Variants in STPG2 observed in about 807,000 individuals in gnomAD.
STPG2 encodes the protein sperm-tail PG-rich repeat-containing protein 2.
STPG2 carries 56 observed loss-of-function variants against 54.2 expected under a neutral mutation model. The ratio of observed to expected loss-of-function variants is 1.03; its 90% CI spans 0.83 to 1.29. STPG2 has a LOEUF of 1.29. STPG2 is among the 50% of genes most tolerant of loss of function. STPG2 has a pLI of 0.00. For synonymous variants in STPG2, 200 were observed against 181.8 expected, an observed-to-expected ratio of 1.10 and a Z score of -0.81; for missense variants, 596 against 544.9, an observed-to-expected ratio of 1.09 and a Z score of -0.93.
chr4:98,002,970 T>C (rs984452049), intron 5 of STPG2, among the ~76,000 whole-genome samples: 1 of 152,088 alleles, frequency 6.6e-6, no homozygotes, highest in Non-Finnish European at 1.5e-5. Flanking sequence ...TTTGCAGTCT[T>C]TCACCAAGGC....
In STPG2 at chr4:97,943,365, T is replaced by A. The variant is rs80268006; in HGVS notation, c.1044+532A>T. Among the ~76,000 whole-genome samples the A allele has an allele frequency of 6.0e-4, 91 of 152,322 alleles. 4 individuals are homozygous for A. The East Asian group carries it at 0.017, about 29-fold the overall frequency. ...TACTTTGATATATTTGTAAATTCAA[T>A]CTGAATTGCTCAACTACTAATTTTT... On this transcript the variant is annotated intron_variant, in intron 8 of 10. Transcript: ENST00000295268.
chr4:97,976,470 A>T (rs1177717148), intron 6 of STPG2, among the ~76,000 whole-genome samples: 2 of 152,086 alleles, frequency 1.3e-5, no homozygotes, highest in East Asian at 3.9e-4. Flanking sequence ...AGCCATTCTG[A>T]TCATATGGTT....
chr4:98,039,353 T>C (rs980768721), intron 5 of STPG2, among the ~76,000 whole-genome samples: 1 of 76,496 alleles, frequency 1.3e-5, no homozygotes, highest in Non-Finnish European at 3.0e-5. Context: ...TAAAAATATT[T>C]AAAATATGAC....
At chr4:97,939,982 G>C (rs1732913268) in intron 8 of STPG2, among the ~76,000 whole-genome samples, 1 of 152,110 alleles carries the variant, frequency 6.6e-6, no homozygotes, top group Admixed American at 6.5e-5. Context: ...AAGATCTCTT[G>C]TAAGGCAGGT....
rs1169231124 is a variant in STPG2, at chr4:97,617,838, T to G, written c.1321-58721A>C. On this transcript the variant is annotated intron_variant, in intron 10 of 10. Transcript: ENST00000295268. Reference sequence around the variant, plus strand: ...CCAGAATAATAGAGGGAGATACATATGCTAGAAACTGGGAAACCCTATACT... The same window carrying G: ...CCAGAATAATAGAGGGAGATACATAGGCTAGAAACTGGGAAACCCTATACT... 1.3e-5 allele frequency among the ~76,000 whole-genome samples: 2 copies of G among 152,114 alleles called. 1 individual carries two copies. The highest frequency in any genetic ancestry group is 2.9e-5 in the Non-Finnish European group (2 of 68,020).
intron 8 of STPG2, among the ~76,000 whole-genome samples, chr4:97,921,711 G>C (rs766663997): frequency 1.3e-5 from 2 of 152,128 alleles, no homozygotes; most frequent in African/African-American, 2.4e-5. Flanking sequence ...GGATAGAAAA[G>C]TTACTGAAAA....
intron 4 of STPG2, among the ~76,000 whole-genome samples, chr4:97,484,057 C>T (rs1578334199): frequency 1.3e-5 from 2 of 151,778 alleles, no homozygotes; most frequent in East Asian, 3.9e-4. Context: ...ATCAAAACCT[C>T]TGGGATACAG....
At chr4:97,972,578 A>G (rs550744703) in intron 6 of STPG2, 138 bp from the exon 7 acceptor site, 15 of 498,758 alleles carry the variant, frequency 3.0e-5, no homozygotes, top group Non-Finnish European at 4.7e-5. Flanking sequence ...AAAATGGCAT[A>G]GTCGCATTTT....
intron 4 of STPG2, among the ~76,000 whole-genome samples, chr4:97,476,806 C>A (rs1730083581): frequency 6.6e-6 from 1 of 152,160 alleles, no homozygotes; most frequent in Non-Finnish European, 1.5e-5. Flanking sequence ...CAATTAGTTA[C>A]ACTGGAATAT....
At chr4:98,065,084 T>C (rs1056946833) in intron 5 of STPG2, among the ~76,000 whole-genome samples, 5 of 152,006 alleles carry the variant, frequency 3.3e-5, no homozygotes, top group Admixed American at 6.6e-5. Context: ...AGGTATTTTT[T>C]AAAGGAAGGA....
Position 97,927,676 on chromosome 4 carries a change from A to G in STPG2, c.1044+16221T>C, listed in dbSNP as rs560426027. The stretch of plus-strand genomic sequence containing the variant: ...CAACCCTAATTTTTCAAGCCAGAGG[A>G]AAGTGCCATGAAATCACCCTAAAGA... On this transcript the variant is annotated intron_variant, in intron 8 of 10. Transcript: ENST00000295268. Among the ~76,000 whole-genome samples the G allele has an allele frequency of 2.6e-5, 4 of 152,216 alleles. No homozygotes were observed. In the East Asian group the frequency reaches 7.7e-4, roughly 29 times the overall value.
At chr4:97,758,987 C>T (rs1484413464) in intron 9 of STPG2, among the ~76,000 whole-genome samples, 2 of 151,884 alleles carry the variant, frequency 1.3e-5, no homozygotes, top group East Asian at 1.9e-4. Context: ...AAAAAATGAA[C>T]GTATAATATT....
At chr4:97,907,882 G>A (rs1420810887) in intron 8 of STPG2, among the ~76,000 whole-genome samples, 2 of 152,124 alleles carry the variant, frequency 1.3e-5, no homozygotes, top group Non-Finnish European at 2.9e-5. Flanking sequence ...ATGGATTAAA[G>A]ACTTAAACGT....
At chr4:97,759,296 C>G (rs531374057) in intron 9 of STPG2, among the ~76,000 whole-genome samples, 1 of 151,960 alleles carries the variant, frequency 6.6e-6, no homozygotes, top group Non-Finnish European at 1.5e-5. Flanking sequence ...TTTCCCACAA[C>G]GCAGGGCTCA....
At chr4:97,835,591 C>T (rs1390138116) in intron 9 of STPG2, among the ~76,000 whole-genome samples, 3 of 152,108 alleles carry the variant, frequency 2.0e-5, no homozygotes, top group Non-Finnish European at 2.9e-5. Context: ...ATACAACACC[C>T]ATTCTGAAGC....
At chr4:97,863,132 C>T (rs1406953355) in intron 8 of STPG2, among the ~76,000 whole-genome samples, 1 of 151,828 alleles carries the variant, frequency 6.6e-6, no homozygotes, top group Non-Finnish European at 1.5e-5. Context: ...CACAAAAAAC[C>T]CTTAAAAAAA....
intron 8 of STPG2, among the ~76,000 whole-genome samples, chr4:97,909,114 A>T (rs1731576842): frequency 6.6e-6 from 1 of 151,278 alleles, no homozygotes; most frequent in African/African-American, 2.4e-5. Flanking sequence ...ACAAACAAAA[A>T]CAAAAACAAA....
intron 5 of STPG2, among the ~76,000 whole-genome samples, chr4:98,058,513 A>C (rs1737549882): frequency 6.6e-6 from 1 of 152,252 alleles, no homozygotes; most frequent in Non-Finnish European, 1.5e-5. Flanking sequence ...AGACCTAACT[A>C]TCCTATATAT....
chr4:97,881,262 A>G (rs975414069), intron 8 of STPG2, among the ~76,000 whole-genome samples: 1 of 152,136 alleles, frequency 6.6e-6, no homozygotes, highest in African/African-American at 2.4e-5. Context: ...ATTTTTTACA[A>G]GAAATCCTTT....
Sources: gnomAD v4.1 joint callset for allele counts (sites outside exome capture counted in the v4.1 genomes callset) on GRCh38, gnomAD v4.1.1 for gene constraint, MANE v1.5 for transcripts, NCBI Gene and HGNC (gene_info 2026-07-23, HGNC 2026-07-21) for gene names.